Variants in TTC17 observed in about 807,000 individuals in gnomAD.
The protein encoded by TTC17 is tetratricopeptide repeat protein 17.
TTC17 carries 58 observed loss-of-function variants against 143.8 expected under a neutral mutation model. The observed-to-expected ratio is 0.40, with a 90% CI of 0.33 to 0.50. TTC17 has a LOEUF of 0.50. Ranked by LOEUF, TTC17 falls within the 20% of genes least tolerant of loss-of-function variation. The pLI is 0.49. For missense variants in TTC17, 1,273 were observed against 1,392.5 expected, an observed-to-expected ratio of 0.91 and a Z score of 1.37; for synonymous variants, 501 against 497.8, an observed-to-expected ratio of 1.01 and a Z score of -0.09.
chr11:43,438,660 T>G (rs1947346149), intron 16 of TTC17, among the ~76,000 whole-genome samples: 1 of 152,196 alleles, frequency 6.6e-6, no homozygotes, highest in Non-Finnish European at 1.5e-5. Flanking sequence ...CGGTCAGATT[T>G]TGTTGGCCAT....
At chr11:43,391,797 T>C (rs1203484632) in intron 4 of TTC17, 24 bp from the exon 5 acceptor site, 1 of 1,607,806 alleles carries the variant, frequency 6.2e-7, no homozygotes, top group Non-Finnish European at 8.5e-7. Flanking sequence ...TGATATGTCT[T>C]TTGAATCTTT....
At chr11:43,487,298 A>G (rs1948399014) in intron 21 of TTC17, among the ~76,000 whole-genome samples, 1 of 152,020 alleles carries the variant, frequency 6.6e-6, no homozygotes, top group Non-Finnish European at 1.5e-5. Context: ...CACACCTGCC[A>G]CCACACCAGG....
rs11037434 is a variant in TTC17, at chr11:43,411,000, G to T, written c.2064+3423G>T. On this transcript the variant is annotated intron_variant, in intron 15 of 23. Transcript: ENST00000039989. ...GATTATTTTAATAGCCTCTAGACTG[G>T]TTTCTCTGCTTCTGCCATTGTCCCC... Among the ~76,000 whole-genome samples the T allele has an allele frequency of 2.8e-4, 43 of 152,238 alleles. 1 individual carries two copies. The East Asian group carries it at 8.1e-3, about 29-fold the overall frequency.
At chr11:43,395,087 G>C (rs938075869) in intron 5 of TTC17, among the ~76,000 whole-genome samples, 1 of 148,974 alleles carries the variant, frequency 6.7e-6, no homozygotes, top group Non-Finnish European at 1.5e-5. Context: ...CTCTTCAGTA[G>C]TTCATGTAGA....
At chr11:43,486,675 TC>T (rs1948387225) in intron 21 of TTC17, among the ~76,000 whole-genome samples, 1 of 152,170 alleles carries the variant, frequency 6.6e-6, no homozygotes, top group African/African-American at 2.4e-5. Context: ...TCTGGAATAT[TC>T]ATTGTATGTT....
rs112838496 is a variant in TTC17 at position 43,408,545 on chromosome 11, C to T, written c.2064+968C>T. Among the ~76,000 whole-genome samples, 615 of 152,220 alleles carry T rather than the reference C, an allele frequency of 4.0e-3. 4 individuals are homozygous for T. Among genetic ancestry groups the T allele is most frequent in the African/African-American group, 0.014 (582 of 41,542 alleles). On this transcript the variant is annotated intron_variant, in intron 15 of 23. Transcript: ENST00000039989. ...GCAATGCAGCCGTATTCCCTTGAAACTTTTCATGATTCCCTTTTTACTGTT... is the reference window on the plus strand; with the variant it reads ...GCAATGCAGCCGTATTCCCTTGAAATTTTTCATGATTCCCTTTTTACTGTT...
Position 43,405,703 on chromosome 11 carries a change from C to G in TTC17, c.1595+74C>G, listed in dbSNP as rs936165119. ...TCTAGCGGTTCTTTGAGAGCACCAG[C>G]CTTGGACTTGAAAAGTTAAGTCTTT... is the stretch of plus-strand genomic sequence containing the variant. On this transcript the variant is annotated intron_variant, in intron 12 of 23. Transcript: ENST00000039989. 1.8e-5 allele frequency: 29 copies of G among 1,611,030 alleles called. No individual in the cohort carries two copies. The African/African-American group carries it at 2.3e-4, about 13-fold the overall frequency.
chr11:43,442,452 C>T (rs900673737), intron 16 of TTC17, among the ~76,000 whole-genome samples: 1 of 152,156 alleles, frequency 6.6e-6, no homozygotes, highest in African/African-American at 2.4e-5. Flanking sequence ...TATCTACTTC[C>T]TAAAGGGACT....
intron 16 of TTC17, among the ~76,000 whole-genome samples, chr11:43,437,632 T>C (rs753715646): frequency 5.3e-5 from 8 of 152,198 alleles, no homozygotes; most frequent in Non-Finnish European, 8.8e-5. Context: ...TTTGAGTATT[T>C]AAATGAAATA....
chr11:43,436,386 C>CT, intron 16 of TTC17: 4 of 1,230,584 alleles, frequency 3.3e-6, no homozygotes, highest in Non-Finnish European at 4.1e-6. Context: ...AACTCTCAAG[C>CT]TTTAAGCTTA....
intron 21 of TTC17, among the ~76,000 whole-genome samples, chr11:43,482,058 C>A (rs565734459): frequency 6.6e-6 from 1 of 152,188 alleles, no homozygotes; most frequent in Admixed American, 6.5e-5. Context: ...GATCCACCCA[C>A]CTCGGCCTCC....
intron 1 of TTC17, among the ~76,000 whole-genome samples, chr11:43,371,497 T>C (rs1190757940): frequency 6.6e-6 from 1 of 152,218 alleles, no homozygotes; most frequent in Non-Finnish European, 1.5e-5. Flanking sequence ...CAGGGTGACG[T>C]ATGGGGCAAA....
At chr11:43,448,639 C>G (rs936446927) in intron 19 of TTC17, 1 of 152,770 alleles carries the variant, frequency 6.5e-6, no homozygotes, top group Non-Finnish European at 1.5e-5. Flanking sequence ...GACTGATCTA[C>G]TCCCAAAATT....
At position 43,493,897 on chromosome 11, in the gene TTC17, C is replaced by G. The variant is rs1231359693; in HGVS notation, c.3419C>G (p.Ser1140Cys). The change falls in exon 24 of 24, where the codon TCT becomes TGT. Residue 1140 changes from serine (S) to cysteine (C), a missense_variant. Ser to Cys is a moderately radical substitution (Grantham distance 112, BLOSUM62 -1). This residue lies in a region of TTC17 where 878 missense variants were observed against 899.8 expected (regional missense o/e 0.98). Transcript: ENST00000039989. ...CHLMLKKGRRSP is the reference protein window; with the variant it reads ...CHLMLKKGRRCP ...TTAATGCTGAAGAAGGGACGGCGCTCTCCTTAGTGCACTTCTTCCTTCTCT... is the reference window on the plus strand; with the variant it reads ...TTAATGCTGAAGAAGGGACGGCGCTGTCCTTAGTGCACTTCTTCCTTCTCT... 2 of 1,595,210 alleles carry G rather than the reference C, an allele frequency of 1.3e-6. No individual in the cohort carries two copies. Among genetic ancestry groups the G allele is most frequent in the Non-Finnish European group, 1.7e-6 (2 of 1,168,008 alleles).
intron 21 of TTC17, among the ~76,000 whole-genome samples, chr11:43,462,499 G>A (rs1947887665): frequency 6.6e-6 from 1 of 152,156 alleles, no homozygotes; most frequent in African/African-American, 2.4e-5. Flanking sequence ...AACCAGAAGA[G>A]GGAAGTAACA....
At chr11:43,417,615 C>A (rs1946807305) in intron 16 of TTC17, among the ~76,000 whole-genome samples, 1 of 152,156 alleles carries the variant, frequency 6.6e-6, no homozygotes, top group Non-Finnish European at 1.5e-5. Context: ...GTAGGTGGAT[C>A]ACCTGGTGTC....
intron 1 of TTC17, among the ~76,000 whole-genome samples, chr11:43,376,585 C>T (rs1239659508): frequency 6.6e-6 from 1 of 152,090 alleles, no homozygotes; most frequent in East Asian, 1.9e-4. Context: ...TCTGTAATTC[C>T]TGTCTCCTTT....
intron 21 of TTC17, among the ~76,000 whole-genome samples, chr11:43,486,060 C>T (rs1361123711): frequency 1.3e-5 from 2 of 151,810 alleles, no homozygotes; most frequent in Non-Finnish European, 2.9e-5. Context: ...AATTGTGCAG[C>T]AAGGAAACTG....
chr11:43,390,071 C>A (rs1857318949), intron 3 of TTC17, among the ~76,000 whole-genome samples: 1 of 152,086 alleles, frequency 6.6e-6, no homozygotes, highest in South Asian at 2.1e-4. Context: ...CTTTGTGAGG[C>A]CAAGGCGGGA....
Sources: gnomAD v4.1 joint callset for allele counts (sites outside exome capture counted in the v4.1 genomes callset) on GRCh38, gnomAD v4.1.1 for gene constraint, gnomAD v4.1.1 regional missense constraint, MANE v1.5 for transcripts, NCBI Gene and HGNC (gene_info 2026-07-23, HGNC 2026-07-21) for gene names.